The following UPF2 variants were observed in gnomAD, a reference collection of about 807,000 sequenced individuals.
The protein encoded by UPF2 is UPF2 regulator of nonsense mediated mRNA decay, also known as regulator of nonsense transcripts 2.
In UPF2, 17 loss-of-function variants were observed where a neutral mutation model predicts 141.4. The ratio of observed to expected loss-of-function variants is 0.12; its 90% confidence interval spans 0.08 to 0.18. The LOEUF (loss-of-function observed/expected upper bound fraction) is 0.18. Among genes scored for constraint, UPF2 ranks in the 10% least tolerant of loss-of-function variants. The pLI is 1.00. For missense variants in UPF2, 1,152 were observed against 1,515.9 expected, an observed-to-expected ratio of 0.76 and a Z score of 3.99; for synonymous variants, 540 against 498.0, an observed-to-expected ratio of 1.08 and a Z score of -1.12.
In UPF2 at chr10:11,992,874, G is replaced by A. The variant is rs1178292537; in HGVS notation, c.1844+4798C>T. Among the ~76,000 whole-genome samples, 8 of 152,080 alleles carry A rather than the reference G, an allele frequency of 5.3e-5. No homozygotes were observed. The highest frequency in any genetic ancestry group is 2.6e-4 in the Admixed American group (4 of 15,258). ...AATAAAAAGAAAGCAGCAGTCAGGC[G>A]CAGGTGGCTCACACTTGTAATCCCA... On this transcript the variant is annotated intron_variant, in intron 8 of 21. Transcript: ENST00000357604. This position sits in a 1 kb window ranked among gnomAD's most constrained non-coding sequence, Gnocchi z 4.1.
At chr10:11,975,005 T>A (rs891303358) in intron 9 of UPF2, among the ~76,000 whole-genome samples, 2 of 152,232 alleles carry the variant, frequency 1.3e-5, no homozygotes, top group Admixed American at 6.5e-5. Context: ...GGGTATATAG[T>A]CAACTTATTT....
Position 11,992,999 on chromosome 10 carries a change from A to C in UPF2, c.1844+4673T>G, listed in dbSNP as rs1472806568. 2.0e-5 allele frequency among the ~76,000 whole-genome samples: 3 copies of C among 151,986 alleles called. No homozygotes were observed. The stretch of plus-strand genomic sequence containing the variant: ...CCCCGTTTCTACTAAAACTACAAAA[A>C]ATTACCCGGGCGTGGTGGTACACGC... On this transcript the variant is annotated intron_variant, in intron 8 of 21. Transcript: ENST00000357604. The surrounding 1 kb of genome is among the most constrained non-coding windows in gnomAD (Gnocchi z 4.1).
At chr10:11,976,242 C>G (rs534926413) in intron 9 of UPF2, among the ~76,000 whole-genome samples, 1 of 152,284 alleles carries the variant, frequency 6.6e-6, no homozygotes, top group Non-Finnish European at 1.5e-5. Context: ...ACATACCAGA[C>G]TGCAGAAATA....
chr10:12,034,577 G>A (rs577285349), intron 2 of UPF2, among the ~76,000 whole-genome samples: 2 of 152,158 alleles, frequency 1.3e-5, no homozygotes, highest in South Asian at 2.1e-4. Flanking sequence ...AGGCTGAGGC[G>A]GGCGGATCAC....
intron 21 of UPF2, among the ~76,000 whole-genome samples, chr10:11,926,468 C>T (rs1324889518): frequency 6.6e-6 from 1 of 152,184 alleles, no homozygotes; most frequent in African/African-American, 2.4e-5. Flanking sequence ...ACACAGACAT[C>T]CCTAGGCAGG....
chr10:12,040,964 T>C (rs992616385), intron 1 of UPF2, among the ~76,000 whole-genome samples: 7 of 152,204 alleles, frequency 4.6e-5, no homozygotes, highest in Non-Finnish European at 7.3e-5. Flanking sequence ...ATTCCAAGGA[T>C]AGCAGCAGAG....
rs185746222 is a variant in UPF2, at chr10:12,001,606, T to C, written c.1654+70A>G. On this transcript the variant is annotated intron_variant, in intron 6 of 21. Coordinates refer to ENST00000357604, the MANE Select transcript of UPF2 (RefSeq NM_015542.4). Reference sequence around the variant, plus strand: ...AATACAGAATTAAGGAGAAAAGATCTATATTCTTAGGCAAGAGCTCTGTGT... The same window carrying C: ...AATACAGAATTAAGGAGAAAAGATCCATATTCTTAGGCAAGAGCTCTGTGT... 196 of 1,393,892 alleles carry C rather than the reference T, an allele frequency of 1.4e-4. No homozygotes were observed. In the African/African-American group the frequency reaches 2.6e-3, roughly 18 times the overall value. 86.3% of individuals were successfully genotyped at this position (1,393,892 alleles called of 1,614,324 possible). A position where few individuals can be genotyped will look rare whatever the true frequency, so the allele number is the denominator to read the frequency against.
chr10:11,985,282 T>C (rs369272907), intron 8 of UPF2, among the ~76,000 whole-genome samples: 2 of 152,178 alleles, frequency 1.3e-5, no homozygotes, highest in Non-Finnish European at 2.9e-5. Context: ...CTTCACAAAA[T>C]AAAATCCTTT....
chr10:11,959,424 T>C lies in UPF2; in HGVS notation c.2185-68A>G, dbSNP rs2131194358. ...AGATTCCTTTACTCCTAACTAAACT[T>C]CTATTCTCAGTGATTTGCTATTTCA... On this transcript the variant is annotated intron_variant, in intron 11 of 21. Transcript: ENST00000357604. The surrounding 1 kb of genome is among the most constrained non-coding windows in gnomAD (Gnocchi z 5.9). 6.2e-6 allele frequency: 9 copies of C among 1,459,446 alleles called. No individual in the cohort carries two copies. Among genetic ancestry groups the C allele is most frequent in the African/African-American group, 1.4e-5 (1 of 70,428 alleles). 90.4% of individuals were successfully genotyped at this position (1,459,446 alleles called of 1,614,324 possible).
At position 11,956,535 on chromosome 10, in the gene UPF2, G is replaced by T. The variant is rs780671000; in HGVS notation, c.2371-12C>A. ...ATCTGTCTCAAAACCTAAAAAAAGAGAATTTTGTTCAAATTATTAAGATAA... is the reference window on the plus strand; with the variant it reads ...ATCTGTCTCAAAACCTAAAAAAAGATAATTTTGTTCAAATTATTAAGATAA... On this transcript the variant is annotated splice_polypyrimidine_tract_variant and intron_variant, in intron 12 of 21. Coordinates refer to ENST00000357604, the MANE Select transcript of UPF2 (RefSeq NM_015542.4). This position sits in a 1 kb window ranked among gnomAD's most constrained non-coding sequence, Gnocchi z 4.2. 18 of 1,611,292 alleles carry T rather than the reference G, an allele frequency of 1.1e-5. No homozygotes were observed. Among genetic ancestry groups the T allele is most frequent in the African/African-American group, 8.0e-5 (6 of 74,766 alleles).
intron 16 of UPF2, among the ~76,000 whole-genome samples, chr10:11,945,962 G>A (rs912140173): frequency 3.3e-5 from 5 of 151,696 alleles, no homozygotes; most frequent in Admixed American, 2.6e-4. Context: ...ACCTCATTTT[G>A]AAAACAAAGC....
At chr10:12,001,369 G>A (rs991249049) in intron 6 of UPF2, among the ~76,000 whole-genome samples, 7 of 151,994 alleles carry the variant, frequency 4.6e-5, no homozygotes, top group East Asian at 3.9e-4. Flanking sequence ...AGCCAAGATC[G>A]TACCATTGCA....
Position 12,026,646 on chromosome 10 carries a change from C to CTTT in UPF2, c.1145+2096_1145+2098dup, listed in dbSNP as rs760035093. The CTTT allele has an allele frequency of 2.0e-3, 791 of 387,200 alleles. 1 individual carries two copies. Among genetic ancestry groups the CTTT allele is most frequent in the East Asian group, 4.9e-3 (63 of 12,748 alleles). 24.0% of individuals were successfully genotyped at this position (387,200 alleles called of 1,614,324 possible). A position where few individuals can be genotyped will look rare whatever the true frequency, so the allele number is the denominator to read the frequency against. On this transcript the variant is annotated intron_variant, in intron 3 of 21. Coordinates refer to ENST00000357604, the MANE Select transcript of UPF2 (RefSeq NM_015542.4). ...CATGACCACTGAAAATTCCTATAAA[C>CTTT]TTTTTTTTTTTTTTTTTTTTTAGGA...
At chr10:12,031,654 T>C (rs1170465434) in intron 2 of UPF2, among the ~76,000 whole-genome samples, 2 of 152,172 alleles carry the variant, frequency 1.3e-5, no homozygotes, top group Non-Finnish European at 2.9e-5. Context: ...CACATGCCTG[T>C]AGTCCCAGTT....
intron 18 of UPF2, among the ~76,000 whole-genome samples, chr10:11,941,415 G>A (rs999512933): frequency 1.6e-4 from 25 of 152,188 alleles, no homozygotes; most frequent in African/African-American, 5.8e-4. Flanking sequence ...AATATATAAA[G>A]AAAGAAGATC....
intron 8 of UPF2, among the ~76,000 whole-genome samples, chr10:11,997,019 A>G (rs1833874335): frequency 6.6e-6 from 1 of 152,188 alleles, no homozygotes; most frequent in Non-Finnish European, 1.5e-5. Flanking sequence ...ATTGTTGAAT[A>G]AACAGAAATA....
intron 14 of UPF2, among the ~76,000 whole-genome samples, chr10:11,952,505 C>G (rs899200645): frequency 1.6e-5 from 2 of 123,644 alleles, no homozygotes; most frequent in African/African-American, 6.3e-5. Context: ...GATGGAGTCT[C>G]GCTCTGTCAC....
chr10:11,959,379 A>G lies in UPF2; in HGVS notation c.2185-23T>C. On this transcript the variant is annotated intron_variant, in intron 11 of 21. Transcript: ENST00000357604. This position sits in a 1 kb window ranked among gnomAD's most constrained non-coding sequence, Gnocchi z 5.9. The stretch of plus-strand genomic sequence containing the variant: ...CTCCTGAAATAAAAAGTCCAAATTA[A>G]TCAAAACACGTTCCTTCTAAGATTC... 1 of 1,539,676 alleles carries G rather than the reference A, an allele frequency of 6.5e-7. No individual in the cohort carries two copies. The highest frequency in any genetic ancestry group is 8.7e-7 in the Non-Finnish European group (1 of 1,148,844).
At chr10:11,941,686 C>G (rs2131169603) in intron 18 of UPF2, among the ~76,000 whole-genome samples, 1 of 152,330 alleles carries the variant, frequency 6.6e-6, no homozygotes, top group East Asian at 1.9e-4. Context: ...CCCTCCCTTC[C>G]CATTCTCCAC....
Sources: allele counts gnomAD v4.1 joint callset (sites outside exome capture counted in the v4.1 genomes callset), GRCh38; gene constraint gnomAD v4.1.1; non-coding constraint Gnocchi (gnomAD v3.1); transcripts MANE v1.5; gene names NCBI Gene and HGNC (gene_info 2026-07-23, HGNC 2026-07-21).